Variants in PDSS1 observed in about 807,000 individuals in gnomAD.
PDSS1 encodes the protein decaprenyl diphosphate synthase subunit 1.
Under a neutral mutation model 57.5 loss-of-function variants are expected in PDSS1, and 43 were observed. The observed-to-expected ratio is 0.75, with a 90% CI of 0.59 to 0.96. The LOEUF (loss-of-function observed/expected upper bound fraction) is 0.96. PDSS1 is among the 50% of genes least tolerant of loss of function. The pLI is 0.00. For synonymous variants in PDSS1, 175 were observed against 191.3 expected, an observed-to-expected ratio of 0.91 and a Z score of 0.70; for missense variants, 438 against 527.8, an observed-to-expected ratio of 0.83 and a Z score of 1.67.
chr10:26,697,754 A>C lies in PDSS1; in HGVS notation c.43A>C (p.Lys15Gln). The change falls in exon 1 of 12, where the codon AAG becomes CAG. Residue 15 changes from lysine (K) to glutamine (Q), a missense_variant. Physicochemically the swap from Lys to Gln is moderately conservative, Grantham distance 53. Coordinates refer to ENST00000376215, the MANE Select transcript of PDSS1 (RefSeq NM_014317.5). ...GCGGTGGCGGCGCGGCTGCTCCTGGAAGCCGGCGGCGCGGAGCCCCGGGCC... is the reference window on the plus strand; with the variant it reads ...GCGGTGGCGGCGCGGCTGCTCCTGGCAGCCGGCGGCGCGGAGCCCCGGGCC... ...WWRWRRGCSWKPAARSPGPGS... is the reference protein window; with the variant it reads ...WWRWRRGCSWQPAARSPGPGS... 2.3e-6 allele frequency: 3 copies of C among 1,293,516 alleles called. No individual in the cohort carries two copies. The highest frequency in any genetic ancestry group is 2.9e-6 in the Non-Finnish European group (3 of 1,026,200). The allele number at this position is 1,293,516 out of a possible 1,614,324, so 80.1% of individuals were successfully genotyped here.
intron 10 of PDSS1, among the ~76,000 whole-genome samples, chr10:26,737,964 G>A (rs1243427055): frequency 6.6e-6 from 1 of 152,164 alleles, no homozygotes; most frequent in African/African-American, 2.4e-5. Context: ...AGCAGGAAGT[G>A]ACTCTGGACA....
rs759110650 is a variant in PDSS1, at chr10:26,742,528, G to A, written c.1058G>A (p.Arg353Gln). 2.2e-5 allele frequency: 35 copies of A among 1,612,528 alleles called. No homozygotes were observed. Among genetic ancestry groups the A allele is most frequent in the South Asian group, 2.0e-4 (18 of 91,040 alleles). Residue 353 changes from arginine to glutamine, a missense_variant, in exon 11 of 12, where the codon CGG becomes CAG. Around this residue, in one of 2 missense-constraint regions of PDSS1, gnomAD observed 284 missense variants for 390.7 expected, o/e 0.73. Transcript: ENST00000376215. ...GAAATGAATGCTATGATCATGCGAC[G>A]GTTCAGTTTGCCTGGAGATGTAGAC... is the stretch of plus-strand genomic sequence containing the variant. ...FPEMNAMIMR[R>Q]FSLPGDVDRA...
In PDSS1 at chr10:26,710,492, C is replaced by A. The variant is rs1440523552; in HGVS notation, c.467+724C>A. ...TCAAGGTATGAGCCACCATGCCCGG[C>A]TAATTTTTTTTTTTTTTTTGTATTT... On this transcript the variant is annotated intron_variant, in intron 5 of 11. Coordinates refer to ENST00000376215, the MANE Select transcript of PDSS1 (RefSeq NM_014317.5). Among the ~76,000 whole-genome samples, 8 of 91,108 alleles carry A rather than the reference C, an allele frequency of 8.8e-5. 3 individuals are homozygous for A. Among genetic ancestry groups the A allele is most frequent in the African/African-American group, 2.9e-4 (8 of 27,972 alleles). 59.8% of individuals were successfully genotyped at this position (91,108 alleles called of 152,430 possible). A position where few individuals can be genotyped will look rare whatever the true frequency, so the allele number is the denominator to read the frequency against.
intron 4 of PDSS1, 26 bp from the exon 5 acceptor site, chr10:26,709,612 T>C (rs1441420631): frequency 6.2e-7 from 1 of 1,612,530 alleles, no homozygotes; most frequent in African/African-American, 1.3e-5. Context: ...TTGATGCCAT[T>C]GTGACACAGA....
At chr10:26,730,918 C>T (rs1186177572) in intron 8 of PDSS1, among the ~76,000 whole-genome samples, 1 of 152,150 alleles carries the variant, frequency 6.6e-6, no homozygotes, top group African/African-American at 2.4e-5. Flanking sequence ...GGATCTTCCT[C>T]ATTTTTAAAA....
At chr10:26,736,644 T>G (rs1384452636) in intron 10 of PDSS1, among the ~76,000 whole-genome samples, 2 of 152,128 alleles carry the variant, frequency 1.3e-5, no homozygotes, top group Non-Finnish European at 2.9e-5. Flanking sequence ...CAGGGGAGGC[T>G]GACGTTCTGG....
At chr10:26,701,790 G>T in intron 1 of PDSS1, 1 of 453,914 alleles carries the variant, frequency 2.2e-6, no homozygotes, top group South Asian at 1.6e-5. Flanking sequence ...TGAAAGGAGG[G>T]CCACCGTGCT....
intron 2 of PDSS1, among the ~76,000 whole-genome samples, chr10:26,703,990 A>T (rs1835126576): frequency 6.7e-6 from 1 of 148,466 alleles, no homozygotes; most frequent in African/African-American, 2.5e-5. Flanking sequence ...CTGAGACAGG[A>T]GAATGGCGTG....
At chr10:26,716,803 A>C (rs914609704) in intron 5 of PDSS1, among the ~76,000 whole-genome samples, 2 of 152,154 alleles carry the variant, frequency 1.3e-5, no homozygotes, top group African/African-American at 4.8e-5. Flanking sequence ...GACGTAGCCA[A>C]CTCTCAAGAC....
At chr10:26,740,720 G>T (rs1181098112) in intron 10 of PDSS1, 1 of 456,482 alleles carries the variant, frequency 2.2e-6, no homozygotes, top group East Asian at 6.9e-5. Flanking sequence ...TACCTCTTCC[G>T]TGGAGCCATA....
chr10:26,733,728 C>T (rs760050365), intron 8 of PDSS1, among the ~76,000 whole-genome samples: 7 of 152,000 alleles, frequency 4.6e-5, no homozygotes, highest in African/African-American at 1.2e-4. Flanking sequence ...ATAATCTCAA[C>T]GCTTTGGGAG....
chr10:26,732,575 A>C (rs545599245), intron 8 of PDSS1, among the ~76,000 whole-genome samples: 3 of 152,308 alleles, frequency 2.0e-5, no homozygotes, highest in African/African-American at 7.2e-5. Context: ...GATGAAATTC[A>C]GGTTCCAGCG....
At chr10:26,707,617 A>G (rs891048918) in intron 4 of PDSS1, among the ~76,000 whole-genome samples, 2 of 151,990 alleles carry the variant, frequency 1.3e-5, no homozygotes, top group Non-Finnish European at 2.9e-5. Flanking sequence ...TCTTCGGTTC[A>G]TCACCTCCAG....
At chr10:26,711,824 C>G (rs1835414774) in intron 5 of PDSS1, among the ~76,000 whole-genome samples, 1 of 94,512 alleles carries the variant, frequency 1.1e-5, no homozygotes, top group Admixed American at 1.3e-4. Context: ...AGCGCAGATT[C>G]GCCCCTGGTT....
At chr10:26,701,379 C>T (rs2132207048) in intron 1 of PDSS1, among the ~76,000 whole-genome samples, 1 of 152,346 alleles carries the variant, frequency 6.6e-6, no homozygotes, top group African/African-American at 2.4e-5. Context: ...CAGCCCCTCC[C>T]ATCACAGGCC....
intron 8 of PDSS1, among the ~76,000 whole-genome samples, chr10:26,731,791 CATTT>C (rs1228742133): frequency 1.3e-5 from 2 of 152,150 alleles, no homozygotes; most frequent in Admixed American, 6.6e-5. Flanking sequence ...GCTTAAGGGC[CATTT>C]ATTTATTTGT....
At chr10:26,741,927 T>C (rs1341521991) in intron 10 of PDSS1, among the ~76,000 whole-genome samples, 1 of 152,194 alleles carries the variant, frequency 6.6e-6, no homozygotes, top group Non-Finnish European at 1.5e-5. Context: ...CAAGGTAGAG[T>C]GCAATGGCGC....
chr10:26,742,476 T>C (rs1836656921), intron 10 of PDSS1, 21 bp from the exon 11 acceptor site: 1 of 1,564,434 alleles, frequency 6.4e-7, no homozygotes, highest in Non-Finnish European at 8.8e-7. Context: ...TTTTCTCAGA[T>C]TTTCTCTCTT....
intron 8 of PDSS1, among the ~76,000 whole-genome samples, 154 bp from the exon 9 acceptor site, chr10:26,735,086 T>G (rs1277119372): frequency 6.6e-6 from 1 of 152,232 alleles, no homozygotes; most frequent in Non-Finnish European, 1.5e-5. Context: ...AATGCGGTTT[T>G]GTACATGCTT....
Sources: gnomAD v4.1 joint callset for allele counts (sites outside exome capture counted in the v4.1 genomes callset) on GRCh38, gnomAD v4.1.1 for gene constraint, gnomAD v4.1.1 regional missense constraint, MANE v1.5 for transcripts, NCBI Gene and HGNC (gene_info 2026-07-23, HGNC 2026-07-21) for gene names.